TENM3: variants seen among roughly 807,000 people sequenced by gnomAD.
The protein encoded by TENM3 is teneurin-3.
A neutral mutation model predicts 255.1 loss-of-function variants in TENM3; 63 were observed. That is an observed-to-expected ratio of 0.25 (90% CI 0.20 to 0.30). The LOEUF (loss-of-function observed/expected upper bound fraction) is 0.30. TENM3 is among the 10% of genes least tolerant of loss of function. The pLI is 1.00. For synonymous variants in TENM3, 1,306 were observed against 1,322.3 expected (o/e 0.99, Z 0.27); for missense variants, 2,929 against 3,461.1 (o/e 0.85, Z 3.86).
the TENM3 span, among the ~76,000 whole-genome samples, chr4:182,107,578 T>G: frequency 2.0e-5 from 3 of 152,204 alleles, no homozygotes; most frequent in Non-Finnish European, 4.4e-5. Context: ...CTAGTGGCAT[T>G]GCCCTCTTGG....
In TENM3 at chr4:182,768,283, G is replaced by A. The variant is rs79514983; in HGVS notation, c.4893-5189G>A. ...CATTTTATGGGGAAGCACCAAAGACGATAAATACTCCTGTTGTCAAGTTGT... is the reference window on the plus strand; with the variant it reads ...CATTTTATGGGGAAGCACCAAAGACAATAAATACTCCTGTTGTCAAGTTGT... On this transcript the variant is annotated intron_variant, in intron 22 of 27. Coordinates refer to ENST00000511685, the MANE Select transcript of TENM3 (RefSeq NM_001080477.4). 5.9e-3 allele frequency among the ~76,000 whole-genome samples: 901 copies of A among 152,296 alleles called. 42 individuals are homozygous for A. In the East Asian group the frequency reaches 0.11, roughly 18 times the overall value.
chr4:181,568,942 C>A, the TENM3 span, among the ~76,000 whole-genome samples: 1 of 152,166 alleles, frequency 6.6e-6, no homozygotes, highest in Non-Finnish European at 1.5e-5. Context: ...TGTTCTGTTA[C>A]GTGTGTATCC....
the TENM3 span, among the ~76,000 whole-genome samples, chr4:181,871,961 A>G: frequency 1.3e-5 from 2 of 152,134 alleles, no homozygotes; most frequent in South Asian, 4.1e-4. Flanking sequence ...ATCTGACTTG[A>G]TAGTGTTTTG....
chr4:181,516,434 G>A, the TENM3 span, among the ~76,000 whole-genome samples: 2 of 151,812 alleles, frequency 1.3e-5, no homozygotes, highest in Admixed American at 1.3e-4. Context: ...CATTCTGTGA[G>A]GGAATGAGAG....
chr4:181,896,667 G>A, the TENM3 span, among the ~76,000 whole-genome samples: 2 of 152,176 alleles, frequency 1.3e-5, no homozygotes, highest in Non-Finnish European at 2.9e-5. Context: ...GACCACTGGG[G>A]TGTATTTGAT....
intron 13 of TENM3, among the ~76,000 whole-genome samples, chr4:182,724,011 A>G (rs767629164): frequency 1.1e-4 from 16 of 152,250 alleles, no homozygotes; most frequent in Non-Finnish European, 2.1e-4. Flanking sequence ...AACGAGAGCA[A>G]TAATATTACA....
chr4:182,741,730 T>C (rs959841266), intron 18 of TENM3, among the ~76,000 whole-genome samples: 1 of 152,262 alleles, frequency 6.6e-6, no homozygotes, highest in African/African-American at 2.4e-5. Context: ...TTATTTAGCT[T>C]ATTTTTCTTA....
chr4:181,602,467 GA>G, the TENM3 span, among the ~76,000 whole-genome samples: 1 of 152,140 alleles, frequency 6.6e-6, no homozygotes, highest in Non-Finnish European at 1.5e-5. Flanking sequence ...ATTTTGCCAA[GA>G]TTTTTTTTGA....
At chr4:181,452,352 A>G in the TENM3 span, among the ~76,000 whole-genome samples, 1 of 152,170 alleles carries the variant, frequency 6.6e-6, no homozygotes, top group Non-Finnish European at 1.5e-5. Context: ...CCCAAATTTC[A>G]TCTTGAATTG....
chr4:182,535,572 C>T (rs963057065), intron 3 of TENM3, among the ~76,000 whole-genome samples: 4 of 151,852 alleles, frequency 2.6e-5, no homozygotes, highest in Non-Finnish European at 5.9e-5. Flanking sequence ...CCCATCTCTA[C>T]AAAAATAAAA....
chr4:181,648,107 G>T, the TENM3 span, among the ~76,000 whole-genome samples: 1 of 152,098 alleles, frequency 6.6e-6, no homozygotes, highest in Non-Finnish European at 1.5e-5. Flanking sequence ...GGGGACTTGC[G>T]TCTTCTGGAG....
Position 182,712,121 on chromosome 4 carries a change from T to C in TENM3, c.2222-1966T>C, listed in dbSNP as rs571770982. 1.2e-4 allele frequency among the ~76,000 whole-genome samples: 18 copies of C among 152,334 alleles called. No homozygotes were observed. The South Asian group carries it at 3.5e-3, about 30-fold the overall frequency. Reference sequence around the variant, plus strand: ...ATGTGGTATCACAATTTGTGTTTTGTTATTTTTTAAAACCTATAAATACTG... The same window carrying C: ...ATGTGGTATCACAATTTGTGTTTTGCTATTTTTTAAAACCTATAAATACTG... On this transcript the variant is annotated intron_variant, in intron 12 of 27. Transcript: ENST00000511685.
the TENM3 span, among the ~76,000 whole-genome samples, chr4:182,064,013 C>T: frequency 4.6e-5 from 7 of 152,200 alleles, no homozygotes; most frequent in East Asian, 3.9e-4. Context: ...CCTAAAAGCA[C>T]GGGCTTGAAG....
intron 1 of TENM3, among the ~76,000 whole-genome samples, chr4:182,299,895 G>A (rs1451238323): frequency 6.6e-6 from 1 of 151,426 alleles, no homozygotes; most frequent in East Asian, 1.9e-4. Context: ...GAAAAGACCT[G>A]CTGTATTCAA....
chr4:181,961,653 TCGTGATC>T, the TENM3 span, among the ~76,000 whole-genome samples: 1 of 152,158 alleles, frequency 6.6e-6, no homozygotes, highest in Non-Finnish European at 1.5e-5. Context: ...TCTCCTGACC[TCGTGATC>T]CACCCACCTT....
chr4:182,149,888 A>G (rs1353223736), intron 1 of TENM3, among the ~76,000 whole-genome samples: 1 of 152,092 alleles, frequency 6.6e-6, no homozygotes, highest in East Asian at 1.9e-4. Flanking sequence ...GTACTAGAGC[A>G]TGCAAAAACA....
intron 1 of TENM3, among the ~76,000 whole-genome samples, chr4:182,225,888 G>A (rs890306725): frequency 3.3e-5 from 5 of 152,140 alleles, no homozygotes; most frequent in Non-Finnish European, 5.9e-5. Flanking sequence ...AGCAGTGGCA[G>A]CTTTTTAATC....
chr4:182,286,291 T>A (rs1392885339), intron 1 of TENM3, among the ~76,000 whole-genome samples: 2 of 152,220 alleles, frequency 1.3e-5, no homozygotes, highest in Non-Finnish European at 2.9e-5. Context: ...CTCTTAAACC[T>A]GCCATTCTAC....
the TENM3 span, among the ~76,000 whole-genome samples, chr4:181,596,565 C>T: frequency 2.6e-5 from 4 of 152,044 alleles, no homozygotes; most frequent in Admixed American, 6.6e-5. Flanking sequence ...GTTTTTGACC[C>T]TGATCCCAAT....
Sources: allele counts gnomAD v4.1 joint callset (sites outside exome capture counted in the v4.1 genomes callset), GRCh38; gene constraint gnomAD v4.1.1; transcripts MANE v1.5; gene names NCBI Gene and HGNC (gene_info 2026-07-23, HGNC 2026-07-21).